Variants in IPCEF1 observed in about 807,000 individuals in gnomAD.
The protein encoded by IPCEF1 is interaction protein for cytohesin exchange factors 1.
A neutral mutation model predicts 50.9 loss-of-function variants in IPCEF1; 31 were observed. The ratio of observed to expected loss-of-function variants is 0.61; its 90% CI spans 0.46 to 0.82. The LOEUF is 0.82. Ranked by LOEUF, IPCEF1 falls within the 40% of genes least tolerant of loss-of-function variation. The probability of loss-of-function intolerance (pLI) is 0.00; values close to 1 mark genes in which losing one functional copy is unlikely to be tolerated. For synonymous variants in IPCEF1, 181 were observed against 192.0 expected, an observed-to-expected ratio of 0.94 and a Z score of 0.47; for missense variants, 458 against 514.0, an observed-to-expected ratio of 0.89 and a Z score of 1.05.
chr6:154,259,114 T>C (rs1487081824), intron 3 of IPCEF1, among the ~76,000 whole-genome samples: 2 of 152,094 alleles, frequency 1.3e-5, no homozygotes, highest in Non-Finnish European at 2.9e-5. Flanking sequence ...ACACAAAAGT[T>C]TCACCAATAC....
chr6:154,203,259 T>A (rs961557184), intron 9 of IPCEF1, among the ~76,000 whole-genome samples: 1 of 152,178 alleles, frequency 6.6e-6, no homozygotes, highest in Non-Finnish European at 1.5e-5. Context: ...AACCTTCGTG[T>A]GTCTGTTCAA....
intron 3 of IPCEF1, among the ~76,000 whole-genome samples, chr6:154,250,352 A>G (rs1354275657): frequency 1.3e-5 from 2 of 152,114 alleles, no homozygotes; most frequent in Non-Finnish European, 2.9e-5. Flanking sequence ...TTCAGAGCCT[A>G]GTAAGATATT....
At chr6:154,160,656 A>T (rs1798934774) in intron 11 of IPCEF1, among the ~76,000 whole-genome samples, 1 of 152,182 alleles carries the variant, frequency 6.6e-6, no homozygotes, top group South Asian at 2.1e-4. Context: ...CTCTGTAACC[A>T]ATGGCACACA....
At chr6:154,301,474 C>T (rs1207922452) in intron 1 of IPCEF1, among the ~76,000 whole-genome samples, 3 of 152,284 alleles carry the variant, frequency 2.0e-5, no homozygotes, top group Non-Finnish European at 2.9e-5. Context: ...CTCCAGGCTA[C>T]GAAAGCACTT....
At chr6:154,205,827 CCTTT>C (rs1421689123) in intron 9 of IPCEF1, among the ~76,000 whole-genome samples, 1 of 152,062 alleles carries the variant, frequency 6.6e-6, no homozygotes, top group Non-Finnish European at 1.5e-5. Context: ...ATTATTCCTT[CCTTT>C]CTAACACATC....
intron 7 of IPCEF1, among the ~76,000 whole-genome samples, chr6:154,220,707 G>A (rs1778796986): frequency 6.6e-6 from 1 of 152,210 alleles, no homozygotes; most frequent in South Asian, 2.1e-4. Context: ...TAGGAATGGT[G>A]TAGGGCAGGT....
At chr6:154,199,473 T>A (rs553303594) in intron 10 of IPCEF1, among the ~76,000 whole-genome samples, 195 bp downstream of exon 10, 67 of 152,356 alleles carry the variant, frequency 4.4e-4, no homozygotes, top group African/African-American at 1.6e-3. Flanking sequence ...TTATAGCAAG[T>A]AATTAGTGGC....
intron 2 of IPCEF1, among the ~76,000 whole-genome samples, chr6:154,284,298 T>C (rs1318640558): frequency 6.6e-6 from 1 of 152,214 alleles, no homozygotes; most frequent in Non-Finnish European, 1.5e-5. Context: ...GAAGGAATTG[T>C]AAGTGTGACT....
intron 11 of IPCEF1, among the ~76,000 whole-genome samples, chr6:154,161,643 T>C (rs1290391349): frequency 6.6e-6 from 1 of 152,192 alleles, no homozygotes; most frequent in African/African-American, 2.4e-5. Flanking sequence ...AATGATGCCC[T>C]CTGAGAACTT....
At chr6:154,301,114 GTATT>G (rs1562585412) in intron 1 of IPCEF1, among the ~76,000 whole-genome samples, 2 of 152,180 alleles carry the variant, frequency 1.3e-5, no homozygotes, top group African/African-American at 4.8e-5. Context: ...CATATATGCT[GTATT>G]TAAATTTTAG....
At chr6:154,258,917 T>A (rs1339238547) in intron 3 of IPCEF1, among the ~76,000 whole-genome samples, 1 of 152,176 alleles carries the variant, frequency 6.6e-6, no homozygotes, top group Non-Finnish European at 1.5e-5. Context: ...CAAAAAAATA[T>A]TTAACAAAAA....
Position 154,157,509 on chromosome 6 carries a change from T to A in IPCEF1, c.*2319A>T, listed in dbSNP as rs1337062249. 3 of 152,182 alleles carry A rather than the reference T, an allele frequency of 2.0e-5. No individual in the cohort carries two copies. Among genetic ancestry groups the A allele is most frequent in the Non-Finnish European group, 4.4e-5 (3 of 68,032 alleles). 9.4% of individuals were successfully genotyped at this position (152,182 alleles called of 1,614,324 possible). On this transcript the variant is annotated 3_prime_UTR_variant, in exon 12 of 12. Transcript: ENST00000367220. ...ATAAATTTAAGCCTTGGCTAAGTAA[T>A]CCCAGGGATCTTTTTTGCCTTAAGT...
intron 10 of IPCEF1, among the ~76,000 whole-genome samples, chr6:154,178,284 A>G (rs1800530193): frequency 6.6e-6 from 1 of 152,194 alleles, no homozygotes; most frequent in African/African-American, 2.4e-5. Context: ...AACTTAAAGT[A>G]TAATAATAAA....
chr6:154,329,049 C>T (rs1783591853), intron 1 of IPCEF1, among the ~76,000 whole-genome samples: 1 of 152,056 alleles, frequency 6.6e-6, no homozygotes, highest in East Asian at 1.9e-4. Context: ...AAAAAATAAT[C>T]GCAGTCAAAA....
chr6:154,350,016 A>C (rs1162915407), intron 1 of IPCEF1, among the ~76,000 whole-genome samples: 2 of 152,220 alleles, frequency 1.3e-5, no homozygotes, highest in Non-Finnish European at 2.9e-5. Context: ...TTCTTATGTC[A>C]CAGGGAAACT....
rs79547065 is a variant in IPCEF1 at position 154,168,120 on chromosome 6, G to T, written c.911-7C>A. ...TCAGACACTTTTGTCTCTTCTATTT[G>T]AAAAAAAAAAAGAAAGCAGTAACAA... On this transcript the variant is annotated splice_region_variant and splice_polypyrimidine_tract_variant and intron_variant, in intron 10 of 11. Coordinates refer to ENST00000367220, the MANE Select transcript of IPCEF1 (RefSeq NM_001130700.2). The surrounding 1 kb of genome is among the most constrained non-coding windows in gnomAD (Gnocchi z 4.1). 1 of 1,170,984 alleles carries T rather than the reference G, an allele frequency of 8.5e-7. No homozygotes were observed. Among genetic ancestry groups the T allele is most frequent in the Non-Finnish European group, 1.2e-6 (1 of 867,790 alleles). 72.5% of individuals were successfully genotyped at this position (1,170,984 alleles called of 1,614,324 possible).
chr6:154,335,537 A>G (rs1379553516), intron 1 of IPCEF1, among the ~76,000 whole-genome samples: 1 of 152,164 alleles, frequency 6.6e-6, no homozygotes, highest in Non-Finnish European at 1.5e-5. Flanking sequence ...AACAGAGTGA[A>G]GATACAACCT....
At chr6:154,262,925 C>T (rs1327339887) in intron 3 of IPCEF1, among the ~76,000 whole-genome samples, 2 of 151,842 alleles carry the variant, frequency 1.3e-5, no homozygotes, top group East Asian at 3.9e-4. Flanking sequence ...TACAGGTATG[C>T]GCCACCATGC....
intron 10 of IPCEF1, among the ~76,000 whole-genome samples, chr6:154,186,005 C>A (rs536615035): frequency 2.6e-5 from 4 of 152,172 alleles, no homozygotes; most frequent in Non-Finnish European, 5.9e-5. Flanking sequence ...GTGTTCTTTG[C>A]GGCCTATCAA....
Sources: allele counts gnomAD v4.1 joint callset (sites outside exome capture counted in the v4.1 genomes callset), GRCh38; gene constraint gnomAD v4.1.1; non-coding constraint Gnocchi (gnomAD v3.1); transcripts MANE v1.5; gene names NCBI Gene and HGNC (gene_info 2026-07-23, HGNC 2026-07-21).